The following IL1RAPL2 variants were observed in gnomAD, a reference collection of about 807,000 sequenced individuals.
The protein encoded by IL1RAPL2 is interleukin 1 receptor accessory protein like 2.
Under a neutral mutation model 44.1 loss-of-function variants are expected in IL1RAPL2, and 3 were observed. The ratio of observed to expected loss-of-function variants is 0.07; its 90% CI spans 0.03 to 0.18. IL1RAPL2 has a LOEUF of 0.18. Among genes scored for constraint, IL1RAPL2 ranks in the 10% least tolerant of loss-of-function variants. The pLI is 1.00. For missense variants in IL1RAPL2, 391 were observed against 496.4 expected, an observed-to-expected ratio of 0.79 and a Z score of 2.02; for synonymous variants, 181 against 178.8, an observed-to-expected ratio of 1.01 and a Z score of -0.10.
rs145000726 is a variant in IL1RAPL2, at chrX:105,056,588, C to G, written c.83-138887C>G. Among the ~76,000 whole-genome samples the G allele has an allele frequency of 7.6e-3, 839 of 110,715 alleles. 13 individuals carry two copies. The highest frequency in any genetic ancestry group is 0.026 in the African/African-American group (801 of 30,476). On this transcript the variant is annotated intron_variant, in intron 2 of 10. Transcript: ENST00000372582. ...TACCATTGGATGTAGTAGATCAGAC[C>G]CTGAATCCTGAAGGAGAAAATGTGG...
intron 5 of IL1RAPL2, among the ~76,000 whole-genome samples, chrX:105,285,335 T>G (rs1215759973): frequency 2.7e-5 from 3 of 111,815 alleles, no homozygotes; most frequent in Non-Finnish European, 5.6e-5. Context: ...CCAATGTCTT[T>G]TTTTGGAGCC....
intron 5 of IL1RAPL2, among the ~76,000 whole-genome samples, chrX:105,324,562 T>C (rs974302180): frequency 9.0e-6 from 1 of 111,730 alleles, no homozygotes; most frequent in Non-Finnish European, 1.9e-5. Flanking sequence ...ATGTTTTTTC[T>C]TCTCTATCAC....
intron 1 of IL1RAPL2, among the ~76,000 whole-genome samples, chrX:104,631,227 C>A: frequency 8.9e-6 from 1 of 111,964 alleles, no homozygotes; most frequent in Non-Finnish European, 1.9e-5. Flanking sequence ...TTTTCTTGAT[C>A]CAGTCTATCA....
chrX:104,569,911 A>G (rs1201922980), intron 1 of IL1RAPL2, among the ~76,000 whole-genome samples: 1 of 112,418 alleles, frequency 8.9e-6, no homozygotes, highest in Non-Finnish European at 1.9e-5. Context: ...ACTATGATGA[A>G]ACCAAAGGGG....
intron 2 of IL1RAPL2, among the ~76,000 whole-genome samples, chrX:104,821,954 G>C (rs1921315432): frequency 8.9e-6 from 1 of 112,194 alleles, no homozygotes; most frequent in East Asian, 2.8e-4. Context: ...GCGTGAGATG[G>C]TATCTCATTG....
At chrX:104,589,692 T>C (rs1928627695) in intron 1 of IL1RAPL2, among the ~76,000 whole-genome samples, 1 of 111,934 alleles carries the variant, frequency 8.9e-6, no homozygotes, top group Non-Finnish European at 1.9e-5. Context: ...CTTTGTGACA[T>C]GGGGAGGGGA....
intron 5 of IL1RAPL2, among the ~76,000 whole-genome samples, chrX:105,378,383 A>G (rs1345682847): frequency 8.9e-6 from 1 of 112,026 alleles, no homozygotes; most frequent in Non-Finnish European, 1.9e-5. Flanking sequence ...TTTCTAAGCT[A>G]GCAATTTAAG....
chrX:105,058,631 G>A (rs1436820721), intron 2 of IL1RAPL2, among the ~76,000 whole-genome samples: 1 of 111,846 alleles, frequency 8.9e-6, no homozygotes, highest in Non-Finnish European at 1.9e-5. Flanking sequence ...TTTGTTAAAT[G>A]AATATGTTGG....
At chrX:105,371,097 A>G (rs768342602) in intron 5 of IL1RAPL2, among the ~76,000 whole-genome samples, 1 of 111,551 alleles carries the variant, frequency 9.0e-6, no homozygotes, top group African/African-American at 3.2e-5. Flanking sequence ...TTTTTTGTTA[A>G]TTTATTCAAG....
chrX:105,455,576 G>C (rs1036947272), intron 5 of IL1RAPL2, among the ~76,000 whole-genome samples: 9 of 111,787 alleles, frequency 8.1e-5, no homozygotes, highest in African/African-American at 2.9e-4. Flanking sequence ...GTTGAACAGG[G>C]AATCTTTTCC....
intron 2 of IL1RAPL2, among the ~76,000 whole-genome samples, chrX:104,693,847 G>C (rs777245358): frequency 6.3e-5 from 7 of 111,750 alleles, no homozygotes; most frequent in Non-Finnish European, 1.3e-4. Context: ...CCCAATATTA[G>C]AGCAGCCTCC....
At chrX:105,035,317 C>T (rs1225385172) in intron 2 of IL1RAPL2, among the ~76,000 whole-genome samples, 1 of 111,920 alleles carries the variant, frequency 8.9e-6, no homozygotes, top group Non-Finnish European at 1.9e-5. Flanking sequence ...GCAAAAATCA[C>T]CTGTCTGCTG....
Position 105,233,806 on chromosome X carries a change from C to T in IL1RAPL2, c.357-12C>T. ...CCAATAAAGCCATTTTGTTATTTCT[C>T]TGTTCCTACAGAAACTCAACATATT... On this transcript the variant is annotated splice_polypyrimidine_tract_variant and intron_variant, in intron 3 of 10. Transcript: ENST00000372582. The T allele has an allele frequency of 8.4e-7, 1 of 1,187,951 alleles. No homozygotes were observed. Among genetic ancestry groups the T allele is most frequent in the Non-Finnish European group, 1.1e-6 (1 of 880,086 alleles).
At chrX:105,403,547 AACAG>A (rs1242533073) in intron 5 of IL1RAPL2, among the ~76,000 whole-genome samples, 4 of 111,734 alleles carry the variant, frequency 3.6e-5, no homozygotes, top group African/African-American at 6.5e-5. Context: ...AGCTCATGGA[AACAG>A]ACAGAATCTG....
intron 3 of IL1RAPL2, chrX:105,219,352 G>T: frequency 8.3e-7 from 1 of 1,211,422 alleles, no homozygotes; most frequent in South Asian, 1.8e-5. Context: ...CCAGGGGTTC[G>T]TGGTTCCAGA....
intron 2 of IL1RAPL2, among the ~76,000 whole-genome samples, chrX:105,137,105 C>G (rs751705399): frequency 1.8e-5 from 2 of 111,733 alleles, no homozygotes; most frequent in African/African-American, 6.5e-5. Context: ...GGGCAGAATA[C>G]CAGATGTCCT....
At chrX:105,114,928 C>T (rs1480881675) in intron 2 of IL1RAPL2, among the ~76,000 whole-genome samples, 10 of 111,730 alleles carry the variant, frequency 9.0e-5, no homozygotes, top group African/African-American at 2.0e-4. Flanking sequence ...TGAGATACCA[C>T]ATGCCAACTA....
intron 3 of IL1RAPL2, among the ~76,000 whole-genome samples, chrX:105,208,518 TG>T (rs2033782973): frequency 9.0e-6 from 1 of 111,512 alleles, no homozygotes; most frequent in Non-Finnish European, 1.9e-5. Context: ...CTTGGTAGGA[TG>T]GCTCATTAAT....
chrX:105,525,578 C>T (rs2036590141), intron 6 of IL1RAPL2, among the ~76,000 whole-genome samples: 1 of 111,118 alleles, frequency 9.0e-6, no homozygotes, highest in Admixed American at 9.6e-5. Flanking sequence ...TAAAAGATAG[C>T]AACATTTTCT....
Sources: allele counts gnomAD v4.1 joint callset (sites outside exome capture counted in the v4.1 genomes callset), GRCh38; gene constraint gnomAD v4.1.1; transcripts MANE v1.5; gene names NCBI Gene and HGNC (gene_info 2026-07-23, HGNC 2026-07-21).